GALNT1: variants seen among roughly 807,000 people sequenced by gnomAD.
The protein encoded by GALNT1 is GalNAc transferase 1.
In GALNT1, 17 loss-of-function variants were observed where a neutral mutation model predicts 65.7. The ratio of observed to expected loss-of-function variants is 0.26; its 90% CI spans 0.18 to 0.39. GALNT1 has a LOEUF of 0.39. GALNT1 is among the 10% of genes least tolerant of loss of function. GALNT1 has a pLI of 1.00. For missense variants in GALNT1, 460 were observed against 672.8 expected (o/e 0.68, Z 3.50); for synonymous variants, 210 against 219.7 (o/e 0.96, Z 0.39).
Position 35,654,680 on chromosome 18 carries a change from C to T in GALNT1, c.18C>T (p.Tyr6=). 6.0e-6 allele frequency: 9 copies of T among 1,511,740 alleles called. No homozygotes were observed. Among genetic ancestry groups the T allele is most frequent in the Non-Finnish European group, 8.0e-6 (9 of 1,125,076 alleles). 93.6% of individuals were successfully genotyped at this position (1,511,740 alleles called of 1,614,324 possible). A position where few individuals can be genotyped will look rare whatever the true frequency, so the allele number is the denominator to read the frequency against. Residue 6 remains tyrosine (Y), a synonymous_variant, in exon 2 of 12, where the codon TAC becomes TAT. Coordinates refer to ENST00000269195, the MANE Select transcript of GALNT1 (RefSeq NM_020474.4). ...AAAGTGCCATGAGAAAATTTGCATA[C>T]TGCAAGGTGGTCCTAGCCACCTCCT... MRKFA[Y]CKVVLATSLI... is the part of the protein sequence containing the mutation.
chr18:35,680,973 A>G (rs535955830), intron 4 of GALNT1, among the ~76,000 whole-genome samples: 1 of 152,290 alleles, frequency 6.6e-6, no homozygotes, highest in East Asian at 1.9e-4. Flanking sequence ...ATCTGAGAAG[A>G]CTATTATTTT....
chr18:35,653,136 A>G (rs1349579332), intron 1 of GALNT1, among the ~76,000 whole-genome samples: 2 of 152,162 alleles, frequency 1.3e-5, no homozygotes, highest in Non-Finnish European at 2.9e-5. Flanking sequence ...AGTATCAGGT[A>G]TTGAGTAAGC....
At chr18:35,649,680 G>T (rs749331226) in intron 1 of GALNT1, among the ~76,000 whole-genome samples, 1 of 151,962 alleles carries the variant, frequency 6.6e-6, no homozygotes, top group Non-Finnish European at 1.5e-5. Context: ...AGGTCTCAGG[G>T]TCTCAAAAGA....
chr18:35,692,519 A>AT (rs1168181717), intron 9 of GALNT1, among the ~76,000 whole-genome samples, 199 bp downstream of exon 9: 2 of 151,856 alleles, frequency 1.3e-5, no homozygotes, highest in Non-Finnish European at 2.9e-5. Context: ...CTGAAAGTTG[A>AT]TTTCCACTGA....
At chr18:35,701,576 C>T (rs1459485357) in intron 9 of GALNT1, among the ~76,000 whole-genome samples, 4 of 152,054 alleles carry the variant, frequency 2.6e-5, no homozygotes, top group Non-Finnish European at 5.9e-5. Flanking sequence ...GGTAAAAGAA[C>T]TCTTGGAAAC....
At chr18:35,683,251 G>C in intron 4 of GALNT1, 140 bp from the exon 5 acceptor site, 1 of 635,604 alleles carries the variant, frequency 1.6e-6, no homozygotes, top group Non-Finnish European at 2.7e-6. Flanking sequence ...TCCTTTAGCA[G>C]AATGGGTTTA....
intron 1 of GALNT1, among the ~76,000 whole-genome samples, chr18:35,642,229 G>A (rs2047173181): frequency 1.3e-5 from 2 of 152,202 alleles, no homozygotes; most frequent in Admixed American, 1.3e-4. Flanking sequence ...GAACCCAAAT[G>A]TCTGTTAAGA....
chr18:35,607,706 A>C (rs1412311635), intron 1 of GALNT1, among the ~76,000 whole-genome samples: 1 of 152,120 alleles, frequency 6.6e-6, no homozygotes, highest in East Asian at 1.9e-4. Flanking sequence ...TTCAACTATC[A>C]TATTGTCATT....
intron 1 of GALNT1, among the ~76,000 whole-genome samples, chr18:35,609,481 G>T (rs1415823898): frequency 6.6e-6 from 1 of 152,112 alleles, no homozygotes; most frequent in Non-Finnish European, 1.5e-5. Context: ...TGCTGCCCTT[G>T]AGCCTCTTCT....
intron 4 of GALNT1, among the ~76,000 whole-genome samples, chr18:35,678,996 CAAATT>C (rs376440136): frequency 4.7e-4 from 71 of 152,154 alleles, no homozygotes; most frequent in Middle Eastern, 6.8e-3. Flanking sequence ...CCTTTTTAAT[CAAATT>C]AAAGAGATAC....
intron 7 of GALNT1, among the ~76,000 whole-genome samples, chr18:35,690,479 GA>G (rs1480169655): frequency 1.3e-5 from 2 of 152,136 alleles, no homozygotes; most frequent in Non-Finnish European, 2.9e-5. Context: ...AACATTTTAT[GA>G]AACAGTATGT....
intron 1 of GALNT1, among the ~76,000 whole-genome samples, chr18:35,619,824 G>T (rs1188379552): frequency 6.6e-6 from 1 of 152,196 alleles, no homozygotes; most frequent in African/African-American, 2.4e-5. Flanking sequence ...ACAGTTGTTT[G>T]TGGGTAACAT....
chr18:35,655,395 G>A (rs1046814988), intron 2 of GALNT1, among the ~76,000 whole-genome samples: 3 of 151,224 alleles, frequency 2.0e-5, no homozygotes, highest in Non-Finnish European at 2.9e-5. Context: ...ATATAAAGGA[G>A]GGAGGTAATA....
chr18:35,703,024 G>A, intron 10 of GALNT1, 29 bp downstream of exon 10: 1 of 1,315,406 alleles, frequency 7.6e-7, no homozygotes, highest in Non-Finnish European at 1.1e-6. Context: ...TCTTAAAAGG[G>A]ATAATTTTCA....
In GALNT1 at chr18:35,611,113, A is replaced by T. The variant is rs985641322; in HGVS notation, c.-104+29251A>T. 4.6e-5 allele frequency among the ~76,000 whole-genome samples: 7 copies of T among 152,316 alleles called. No homozygotes were observed. The South Asian group carries it at 1.2e-3, about 27-fold the overall frequency. ...TGCTGCTGTAGGTGGATGATTTTCAAACTTTTTAGTAGCAGGAGTATATTT... is the reference window on the plus strand; with the variant it reads ...TGCTGCTGTAGGTGGATGATTTTCATACTTTTTAGTAGCAGGAGTATATTT... On this transcript the variant is annotated intron_variant, in intron 1 of 11. Transcript: ENST00000269195.
intron 3 of GALNT1, among the ~76,000 whole-genome samples, chr18:35,676,684 G>A (rs540079483): frequency 4.6e-5 from 7 of 152,310 alleles, no homozygotes; most frequent in African/African-American, 1.7e-4. Context: ...TGGAGCAACT[G>A]TTAGAATCGG....
upstream of GALNT1, chr18:35,581,441 C>A (rs1287438361): frequency 6.8e-6 from 1 of 146,426 alleles, no homozygotes; most frequent in African/African-American, 2.5e-5. Flanking sequence ...CGGGTGAGCG[C>A]CGGCGCCCCC....
chr18:35,673,419 C>A (rs963239418), intron 3 of GALNT1, among the ~76,000 whole-genome samples: 1 of 152,204 alleles, frequency 6.6e-6, no homozygotes, highest in Non-Finnish European at 1.5e-5. Flanking sequence ...TAGCTGCTAT[C>A]ATGAGCAATC....
At chr18:35,618,257 T>C (rs1054641832) in intron 1 of GALNT1, among the ~76,000 whole-genome samples, 2 of 152,166 alleles carry the variant, frequency 1.3e-5, no homozygotes, top group African/African-American at 4.8e-5. Context: ...AATCTTGTAT[T>C]CATTAAAAAG....
Sources: gnomAD v4.1 joint callset for allele counts (sites outside exome capture counted in the v4.1 genomes callset) on GRCh38, gnomAD v4.1.1 for gene constraint, MANE v1.5 for transcripts, NCBI Gene and HGNC (gene_info 2026-07-23, HGNC 2026-07-21) for gene names.